MGAM2: variants seen among roughly 807,000 people sequenced by gnomAD.
MGAM2 encodes the protein probable maltase-glucoamylase 2.
A neutral mutation model predicts 96.1 loss-of-function variants in MGAM2; 98 were observed. The observed-to-expected ratio is 1.02, with a 90% CI of 0.87 to 1.21. The LOEUF is 1.21. Among genes scored for constraint, MGAM2 ranks in the 50% most tolerant of loss-of-function variants. MGAM2 has a pLI of 0.00. For missense variants in MGAM2, 2,055 were observed against 1,182.4 expected (o/e 1.74, Z -10.82); for synonymous variants, 749 against 414.8 (o/e 1.81, Z -9.79).
intron 1 of MGAM2, among the ~76,000 whole-genome samples, chr7:142,114,753 A>C (rs970216379): frequency 1.3e-5 from 2 of 152,200 alleles, no homozygotes; most frequent in Admixed American, 1.3e-4. Flanking sequence ...GGGGAAAAAT[A>C]AGAATTTACC....
At chr7:142,214,857 T>C (rs1410443559) in intron 46 of MGAM2, among the ~76,000 whole-genome samples, 1 of 151,984 alleles carries the variant, frequency 6.6e-6, no homozygotes, top group Non-Finnish European at 1.5e-5. Context: ...TCAGTGGGAG[T>C]GTAAATTAGT....
chr7:142,113,319 G>A (rs1212701151), intron 1 of MGAM2, among the ~76,000 whole-genome samples: 1 of 152,142 alleles, frequency 6.6e-6, no homozygotes, highest in Non-Finnish European at 1.5e-5. Flanking sequence ...GGGTTAGGAC[G>A]TGCCATGAAG....
chr7:142,115,173 C>T (rs1197677408), intron 1 of MGAM2, among the ~76,000 whole-genome samples: 5 of 151,998 alleles, frequency 3.3e-5, no homozygotes, highest in East Asian at 1.9e-4. Flanking sequence ...GTTGAGATTG[C>T]GCCACTGCAC....
chr7:142,208,312 C>T, intron 45 of MGAM2: 1 of 594,470 alleles, frequency 1.7e-6, no homozygotes, highest in South Asian at 1.5e-5. Flanking sequence ...TTCAGGTAAT[C>T]TATCCTTTGT....
intron 45 of MGAM2, among the ~76,000 whole-genome samples, chr7:142,200,338 C>G (rs1022286971): frequency 6.6e-6 from 1 of 152,142 alleles, no homozygotes; most frequent in African/African-American, 2.4e-5. Flanking sequence ...GCCATCTATA[C>G]CAGGCACCCT....
chr7:142,166,935 A>G (rs2129088487), intron 25 of MGAM2, among the ~76,000 whole-genome samples: 1 of 152,184 alleles, frequency 6.6e-6, no homozygotes, highest in South Asian at 2.1e-4. Context: ...TTGCTTGTAG[A>G]TGCATCATCC....
At chr7:142,204,847 C>T (rs898123174) in intron 45 of MGAM2, among the ~76,000 whole-genome samples, 5 of 151,840 alleles carry the variant, frequency 3.3e-5, no homozygotes, top group Admixed American at 6.6e-5. Flanking sequence ...AATAAGGCAT[C>T]CAAAAGTCAA....
At chr7:142,127,315 G>C (rs1287067592) in intron 3 of MGAM2, among the ~76,000 whole-genome samples, 1 of 152,112 alleles carries the variant, frequency 6.6e-6, no homozygotes, top group East Asian at 1.9e-4. Context: ...GCTGCTATCT[G>C]AGTCTGTCAG....
chr7:142,157,895 G>T (rs1453233863), intron 17 of MGAM2, 42 bp from the exon 18 acceptor site: 1 of 698,324 alleles, frequency 1.4e-6, no homozygotes, highest in African/African-American at 1.7e-5. Flanking sequence ...TCTGAACTAT[G>T]ATGGAAAGAA....
chr7:142,117,609 A>G (rs1280347625), intron 2 of MGAM2, among the ~76,000 whole-genome samples: 1 of 152,156 alleles, frequency 6.6e-6, no homozygotes, highest in African/African-American at 2.4e-5. Flanking sequence ...TGTGAATTGA[A>G]CCTACAGTGA....
At chr7:142,149,166 T>A (rs909737869) in intron 15 of MGAM2, among the ~76,000 whole-genome samples, 2 of 151,588 alleles carry the variant, frequency 1.3e-5, no homozygotes, top group African/African-American at 4.8e-5. Flanking sequence ...GAGACGGAGG[T>A]TGCAGTGAGC....
Position 142,182,378 on chromosome 7 carries a change from C to T in MGAM2, c.3817-888C>T, listed in dbSNP as rs371825509. Among the ~76,000 whole-genome samples the T allele has an allele frequency of 4.6e-5, 7 of 152,184 alleles. No homozygotes were observed. In the East Asian group the frequency reaches 5.8e-4, roughly 13 times the overall value. Reference sequence around the variant, plus strand: ...AGTGGCCTTGGAAGGGGCTGGCAGACGGGTGGCATGCAGATCAGATGCACC... The same window carrying T: ...AGTGGCCTTGGAAGGGGCTGGCAGATGGGTGGCATGCAGATCAGATGCACC... On this transcript the variant is annotated intron_variant, in intron 32 of 47. Coordinates refer to ENST00000477922, the MANE Select transcript of MGAM2 (RefSeq NM_001293626.2).
intron 45 of MGAM2, among the ~76,000 whole-genome samples, chr7:142,201,490 A>T (rs1446895699): frequency 1.3e-5 from 2 of 152,198 alleles, no homozygotes; most frequent in East Asian, 3.8e-4. Context: ...GATTTATACA[A>T]ATAAAATGTA....
chr7:142,143,897 C>T lies in MGAM2; in HGVS notation c.1431+15C>T, dbSNP rs1486577669. The stretch of plus-strand genomic sequence containing the variant: ...GAGTGTGGATTGTAAGTTATTATTC[C>T]TGACTCAAATTTCCTTTGGAAACAG... On this transcript the variant is annotated intron_variant, in intron 13 of 47. Transcript: ENST00000477922. The T allele has an allele frequency of 5.7e-6, 4 of 701,494 alleles. No homozygotes were observed. Among genetic ancestry groups the T allele is most frequent in the Non-Finnish European group, 5.2e-6 (2 of 384,456 alleles). 43.5% of individuals were successfully genotyped at this position (701,494 alleles called of 1,614,324 possible).
intron 29 of MGAM2, 91 bp downstream of exon 29, chr7:142,172,285 G>T (rs530623478): frequency 1.0e-5 from 6 of 575,960 alleles, no homozygotes; most frequent in African/African-American, 1.9e-5. Flanking sequence ...AGACATTCAG[G>T]GGGCAAGGGA....
intron 15 of MGAM2, among the ~76,000 whole-genome samples, chr7:142,152,151 G>T (rs115151464): frequency 0.013 from 1,904 of 144,892 alleles, 29 homozygotes; most frequent in African/African-American, 0.045. Flanking sequence ...CTCTGAGTAA[G>T]ACTGTTCCTT....
chr7:142,166,476 T>A (rs554728955), intron 25 of MGAM2, among the ~76,000 whole-genome samples: 1 of 152,290 alleles, frequency 6.6e-6, no homozygotes, highest in East Asian at 1.9e-4. Flanking sequence ...AAAACCCAAT[T>A]TTAAACATAA....
chr7:142,196,489 G>A (rs1380113106), intron 38 of MGAM2, 76 bp from the exon 39 acceptor site: 2 of 702,328 alleles, frequency 2.8e-6, no homozygotes, highest in Non-Finnish European at 5.2e-6. Context: ...AATGGGGTAA[G>A]GAAAAATCAG....
Position 142,151,761 on chromosome 7 carries a change from G to A in MGAM2, c.1635-2257G>A, listed in dbSNP as rs73545372. On this transcript the variant is annotated intron_variant, in intron 15 of 47. Transcript: ENST00000477922. The stretch of plus-strand genomic sequence containing the variant: ...AATAGTTATGGTTAATAGTTAAAAG[G>A]TAATTGTGATTGAGCAAATAGTAGG... Among the ~76,000 whole-genome samples, 865 of 152,158 alleles carry A rather than the reference G, an allele frequency of 5.7e-3. 8 individuals carry two copies. Among genetic ancestry groups the A allele is most frequent in the African/African-American group, 0.018 (763 of 41,514 alleles).
Sources: allele counts gnomAD v4.1 joint callset (sites outside exome capture counted in the v4.1 genomes callset), GRCh38; gene constraint gnomAD v4.1.1; transcripts MANE v1.5; gene names NCBI Gene and HGNC (gene_info 2026-07-23, HGNC 2026-07-21).